NPIPB8: variants seen among roughly 807,000 people sequenced by gnomAD.
NPIPB8 encodes the protein nuclear pore complex interacting protein family member B8, also known as nuclear pore complex-interacting protein family member B8.
A neutral mutation model predicts 5.3 loss-of-function variants in NPIPB8; 3 were observed. The observed-to-expected ratio is 0.57, with a 90% CI of 0.26 to 1.47. The LOEUF is 1.47. Among genes scored for constraint, NPIPB8 ranks in the 40% most tolerant of loss-of-function variants. The pLI is 0.13. For missense variants in NPIPB8, 50 were observed against 50.2 expected (o/e 1.00, Z 0.01); for synonymous variants, 18 against 23.0 (o/e 0.78, Z 0.62).
intron 2 of NPIPB8, among the ~76,000 whole-genome samples, chr16:28,642,191 C>G (rs370263924): frequency 5.3e-5 from 8 of 151,044 alleles, no homozygotes; most frequent in African/African-American, 2.0e-4. Context: ...CTGCAACCTC[C>G]GCCTCCCGGG....
In NPIPB8 at chr16:28,642,752, G is replaced by T. The variant is rs986085101; in HGVS notation, c.120+4272G>T. ...CCACCTCGGCCTCCCAAAGTGCTGGGATTACAGGCGTGAGCCACCACACCC... is the reference window on the plus strand; with the variant it reads ...CCACCTCGGCCTCCCAAAGTGCTGGTATTACAGGCGTGAGCCACCACACCC... On this transcript the variant is annotated intron_variant, in intron 2 of 7. Transcript: ENST00000683297. Among the ~76,000 whole-genome samples, 15 of 151,850 alleles carry T rather than the reference G, an allele frequency of 9.9e-5. No homozygotes were observed. The East Asian group carries it at 2.9e-3, about 29-fold the overall frequency.
At chr16:28,643,077 C>G (rs1447245978) in intron 2 of NPIPB8, among the ~76,000 whole-genome samples, 1 of 151,650 alleles carries the variant, frequency 6.6e-6, no homozygotes, top group African/African-American at 2.4e-5. Flanking sequence ...GGGTCCTGCC[C>G]ACCTGCTTGG....
chr16:28,642,889 A>T (rs1351956453), intron 2 of NPIPB8, among the ~76,000 whole-genome samples: 1 of 152,130 alleles, frequency 6.6e-6, no homozygotes, highest in Non-Finnish European at 1.5e-5. Flanking sequence ...GTTCACAATA[A>T]CCTTATGTCA....
intron 2 of NPIPB8, among the ~76,000 whole-genome samples, chr16:28,642,762 G>T (rs1019239399): frequency 2.6e-4 from 40 of 151,906 alleles, no homozygotes; most frequent in African/African-American, 8.7e-4. Context: ...GATTACAGGC[G>T]TGAGCCACCA....
At chr16:28,642,070 C>G (rs1415127574) in intron 2 of NPIPB8, among the ~76,000 whole-genome samples, 3 of 151,222 alleles carry the variant, frequency 2.0e-5, no homozygotes, top group Non-Finnish European at 4.4e-5. Context: ...TACTTGGTCT[C>G]TCCTTTTATA....
chr16:28,651,679 G>C (rs1477139827), intron 3 of NPIPB8, among the ~76,000 whole-genome samples: 2 of 95,154 alleles, frequency 2.1e-5, no homozygotes, highest in African/African-American at 5.4e-5. Flanking sequence ...GCTCAGGCTG[G>C]AGTACAGTGG....
intron 2 of NPIPB8, among the ~76,000 whole-genome samples, chr16:28,642,107 C>T (rs2411443): frequency 2.0e-5 from 3 of 146,450 alleles, no homozygotes; most frequent in African/African-American, 7.6e-5. Context: ...TCTAGGGCTT[C>T]TTTTTTTTTT....
intron 2 of NPIPB8, among the ~76,000 whole-genome samples, chr16:28,639,288 C>T (rs1309004477): frequency 6.7e-6 from 1 of 148,924 alleles, no homozygotes; most frequent in Non-Finnish European, 1.5e-5. Flanking sequence ...TCTGTGCAGT[C>T]TACAAAAAGT....
chr16:28,643,151 G>A (rs2047936653), intron 2 of NPIPB8, among the ~76,000 whole-genome samples: 1 of 150,580 alleles, frequency 6.6e-6, no homozygotes. Context: ...AATACCTTAG[G>A]AGAGAAGCTG....
intron 5 of NPIPB8, among the ~76,000 whole-genome samples, chr16:28,653,153 A>G (rs2048073040): frequency 9.0e-6 from 1 of 110,924 alleles, no homozygotes. Context: ...GCTCACTGCA[A>G]CCTCCGCCTC....
At chr16:28,651,210 C>T (rs2048036289) in intron 3 of NPIPB8, among the ~76,000 whole-genome samples, 1 of 25,718 alleles carries the variant, frequency 3.9e-5, no homozygotes, top group Non-Finnish European at 6.1e-5. Context: ...GTCTCCATCT[C>T]TTGACCTTGT....
intron 5 of NPIPB8, among the ~76,000 whole-genome samples, chr16:28,652,901 C>CTT (rs1197252358): frequency 6.6e-5 from 6 of 90,904 alleles, no homozygotes; most frequent in South Asian, 7.5e-4. Context: ...CACACCCAGG[C>CTT]TTTTTTTTTT....
At chr16:28,649,525 C>CTT (rs1441133615) in intron 3 of NPIPB8, among the ~76,000 whole-genome samples, 2 of 65,288 alleles carry the variant, frequency 3.1e-5, no homozygotes, top group Non-Finnish European at 5.6e-5. Flanking sequence ...TTGGAGGAAG[C>CTT]TTTTTTTTTT....
intron 5 of NPIPB8, among the ~76,000 whole-genome samples, chr16:28,652,774 G>C (rs2048064519): frequency 7.3e-6 from 1 of 136,504 alleles, no homozygotes; most frequent in Admixed American, 7.3e-5. Context: ...GCTAATTTTT[G>C]TATTTTTACT....
At chr16:28,640,912 G>A (rs1382074867) in intron 2 of NPIPB8, among the ~76,000 whole-genome samples, 5 of 152,096 alleles carry the variant, frequency 3.3e-5, no homozygotes, top group Non-Finnish European at 2.9e-5. Context: ...AGGATATCAA[G>A]AGTAAAAATT....
At chr16:28,645,247 T>C (rs1311186013) in intron 2 of NPIPB8, among the ~76,000 whole-genome samples, 1 of 112,286 alleles carries the variant, frequency 8.9e-6, no homozygotes, top group Non-Finnish European at 2.0e-5. Context: ...GCCAGGATAG[T>C]CTCCATCTCT....
intron 3 of NPIPB8, among the ~76,000 whole-genome samples, chr16:28,651,243 A>G (rs1191956094): frequency 2.7e-5 from 1 of 36,722 alleles, no homozygotes; most frequent in Non-Finnish European, 4.5e-5. Flanking sequence ...TCAGCCTCCC[A>G]AAGTGCTGGG....
chr16:28,651,669 G>A lies in NPIPB8; in HGVS notation c.304-288G>A, dbSNP rs1423460013. On this transcript the variant is annotated intron_variant, in intron 3 of 7. Coordinates refer to ENST00000683297, the MANE Select transcript of NPIPB8 (RefSeq NM_001310136.2). ...GTGAGAGACAGAGTCTCATTCTGTCGCTCAGGCTGGAGTACAGTGGTGTGA... is the reference window on the plus strand; with the variant it reads ...GTGAGAGACAGAGTCTCATTCTGTCACTCAGGCTGGAGTACAGTGGTGTGA... Among the ~76,000 whole-genome samples the A allele has an allele frequency of 1.0e-4, 9 of 90,260 alleles. 1 individual carries two copies. The highest frequency in any genetic ancestry group is 8.8e-4 in the East Asian group (3 of 3,416). The allele number at this position is 90,260 out of a possible 152,430, so 59.2% of individuals were successfully genotyped here.
At chr16:28,642,028 A>C (rs1271808431) in intron 2 of NPIPB8, among the ~76,000 whole-genome samples, 1 of 150,340 alleles carries the variant, frequency 6.7e-6, no homozygotes, top group Non-Finnish European at 1.5e-5. Context: ...TCTGCCATTC[A>C]CTTTTGCTCT....
Sources: gnomAD v4.1 joint callset for allele counts (sites outside exome capture counted in the v4.1 genomes callset) on GRCh38, gnomAD v4.1.1 for gene constraint, MANE v1.5 for transcripts, NCBI Gene and HGNC (gene_info 2026-07-23, HGNC 2026-07-21) for gene names.